Variants in TMEM179 observed in about 807,000 individuals in gnomAD.
TMEM179 encodes transmembrane protein 179A.
Under a neutral mutation model 22.2 loss-of-function variants are expected in TMEM179, and 17 were observed. The observed-to-expected ratio is 0.77, with a 90% CI of 0.52 to 1.15. The LOEUF is 1.15. Ranked by LOEUF, TMEM179 falls within the 50% of genes most tolerant of loss-of-function variation. TMEM179 has a pLI of 0.00. For missense variants in TMEM179, 265 were observed against 313.6 expected (o/e 0.84, Z 1.17); for synonymous variants, 127 against 140.5 (o/e 0.90, Z 0.68).
chr14:104,602,433 C>T (rs1887270941), intron 1 of TMEM179, among the ~76,000 whole-genome samples: 1 of 152,248 alleles, frequency 6.6e-6, no homozygotes, highest in Non-Finnish European at 1.5e-5. Context: ...ACTGTGGCCC[C>T]ACCTGGCCTG....
At chr14:104,596,895 G>A in intron 2 of TMEM179, 95 bp downstream of exon 2, 4 of 1,494,740 alleles carry the variant, frequency 2.7e-6, no homozygotes, top group South Asian at 2.5e-5. Flanking sequence ...GACTCAGGAT[G>A]GGCTTCGTGA....
chr14:104,594,618 C>A, intron 3 of TMEM179: 1 of 1,227,760 alleles, frequency 8.1e-7, no homozygotes, highest in Non-Finnish European at 1.0e-6. Context: ...TGGGGGCCAC[C>A]ATCGCCCTCC....
intron 3 of TMEM179, chr14:104,594,268 T>C: frequency 8.1e-7 from 1 of 1,231,776 alleles, no homozygotes; most frequent in Non-Finnish European, 1.0e-6. Flanking sequence ...CCAGTTCATC[T>C]CGGCAAAGAG....
intron 1 of TMEM179, among the ~76,000 whole-genome samples, chr14:104,599,239 T>G (rs1566745012): frequency 6.6e-6 from 1 of 151,388 alleles, no homozygotes. Flanking sequence ...TCCTTCTCCA[T>G]TCTCTGTCTG....
intron 1 of TMEM179, among the ~76,000 whole-genome samples, chr14:104,600,403 G>C (rs1046549224): frequency 6.6e-6 from 1 of 152,210 alleles, no homozygotes; most frequent in Admixed American, 6.5e-5. Flanking sequence ...GCGCCGGCAC[G>C]GGCAGGCAGA....
rs1036538361 is a variant in TMEM179 at position 104,590,902 on chromosome 14, G to A, written c.*2577C>T. 2.5e-5 allele frequency: 4 copies of A among 160,740 alleles called. No homozygotes were observed. Among genetic ancestry groups the A allele is most frequent in the Non-Finnish European group, 4.1e-5 (3 of 72,702 alleles). The allele number at this position is 160,740 out of a possible 1,614,324, so 10.0% of individuals were successfully genotyped here. On this transcript the variant is annotated 3_prime_UTR_variant, in exon 4 of 4. Transcript: ENST00000556573. ...CTTTACTTTCAGTTTAGCCAGAGTG[G>A]AATTAGAACAGGGATATCATTAACA...
intron 1 of TMEM179, among the ~76,000 whole-genome samples, chr14:104,599,903 C>T (rs1361711378): frequency 2.6e-5 from 4 of 152,198 alleles, no homozygotes; most frequent in Non-Finnish European, 5.9e-5. Context: ...GACCCACTGT[C>T]CCCTTCCCAC....
Position 104,597,469 on chromosome 14 carries a change from C to T in TMEM179, c.306-342G>A, listed in dbSNP as rs1887073234. On this transcript the variant is annotated intron_variant, in intron 1 of 3. Transcript: ENST00000556573. This position sits in a 1 kb window ranked among gnomAD's most constrained non-coding sequence, Gnocchi z 4.8. Reference sequence around the variant, plus strand: ...GAAGTGAATGACACCCTTCCAAAGCCGTCCAGCCACAGTCACCAGCAACTC... The same window carrying T: ...GAAGTGAATGACACCCTTCCAAAGCTGTCCAGCCACAGTCACCAGCAACTC... Among the ~76,000 whole-genome samples, 1 of 152,156 alleles carries T rather than the reference C, an allele frequency of 6.6e-6. No homozygotes were observed. Among genetic ancestry groups the T allele is most frequent in the Admixed American group, 6.5e-5 (1 of 15,276 alleles).
At position 104,592,507 on chromosome 14, in the gene TMEM179, C is replaced by T. The variant is rs758276669; in HGVS notation, c.*972G>A. 1.3e-5 allele frequency: 2 copies of T among 153,900 alleles called. No individual in the cohort carries two copies. The highest frequency in any genetic ancestry group is 2.9e-5 in the Non-Finnish European group (2 of 68,848). 9.5% of individuals were successfully genotyped at this position (153,900 alleles called of 1,614,324 possible). ...ACTCTCATGCACTCAGTCACACCCT[C>T]ACATGCACACTCATGCACACTCATA... On this transcript the variant is annotated 3_prime_UTR_variant, in exon 4 of 4. Transcript: ENST00000556573.
intron 1 of TMEM179, among the ~76,000 whole-genome samples, chr14:104,598,201 G>A (rs577203805): frequency 2.0e-5 from 3 of 152,172 alleles, no homozygotes; most frequent in Non-Finnish European, 2.9e-5. Context: ...GAATGCACAC[G>A]GAGGCTCCGG....
chr14:104,602,376 C>T (rs1042804647), intron 1 of TMEM179, among the ~76,000 whole-genome samples: 3 of 152,206 alleles, frequency 2.0e-5, no homozygotes, highest in Non-Finnish European at 4.4e-5. Context: ...ACCACAGGCA[C>T]CCTGAGGGAC....
Position 104,604,516 on chromosome 14 carries a change from G to A in TMEM179, c.226C>T (p.Leu76Phe). ...GPPAACRFSL[L>F]ASLLSLLLAA... is the part of the protein sequence containing the mutation. ...AGCAGCAGAGACAGGAGGCTGGCGA[G>A]CAGGCTGAAGCGGCAGGCGGCCGGC... Residue 76 changes from leucine (L) to phenylalanine (F), a missense_variant, in exon 1 of 4, where the codon CTC (leucine) becomes TTC (phenylalanine). Coordinates refer to ENST00000556573, the MANE Select transcript of TMEM179 (RefSeq NM_001286389.2). This position sits in a 1 kb window ranked among gnomAD's most constrained non-coding sequence, Gnocchi z 4.6. The A allele has an allele frequency of 6.4e-7, 1 of 1,563,664 alleles. No individual in the cohort carries two copies.
At chr14:104,594,406 C>A in intron 3 of TMEM179, 8 of 1,231,782 alleles carry the variant, frequency 6.5e-6, no homozygotes, top group South Asian at 4.1e-5. Flanking sequence ...CTGAAGCCAG[C>A]GGGCCCTGAT....
In TMEM179 at chr14:104,591,451, TGGAAG is replaced by T; in HGVS notation, c.*2023_*2027del. Reference sequence around the variant, plus strand: ...GTCCCCATGTCCAGTGGGTCAGGGCTGGAAGGGGAGACAGGGGACCCCATCAGCTT... The same window carrying T: ...GTCCCCATGTCCAGTGGGTCAGGGCTGGGAGACAGGGGACCCCATCAGCTT... On this transcript the variant is annotated 3_prime_UTR_variant, in exon 4 of 4. Coordinates refer to ENST00000556573, the MANE Select transcript of TMEM179 (RefSeq NM_001286389.2). 4 of 455,682 alleles carry T rather than the reference TGGAAG, an allele frequency of 8.8e-6. No individual in the cohort carries two copies. The highest frequency in any genetic ancestry group is 6.2e-5 in the South Asian group (4 of 64,524). The allele number at this position is 455,682 out of a possible 1,614,324, so 28.2% of individuals were successfully genotyped here. A position where few individuals can be genotyped will look rare whatever the true frequency, so the allele number is the denominator to read the frequency against.
intron 1 of TMEM179, among the ~76,000 whole-genome samples, chr14:104,599,216 T>C (rs954332730): frequency 4.6e-5 from 7 of 152,016 alleles, no homozygotes; most frequent in African/African-American, 7.2e-5. Context: ...CCGCCTGCTC[T>C]TCAGAGTGCG....
rs1886916113 is a variant in TMEM179 at position 104,593,676 on chromosome 14, T to G, written c.523-18A>C. The G allele has an allele frequency of 1.4e-6, 2 of 1,453,308 alleles. No individual in the cohort carries two copies. The highest frequency in any genetic ancestry group is 1.8e-6 in the Non-Finnish European group (2 of 1,105,606). The allele number at this position is 1,453,308 out of a possible 1,614,324, so 90.0% of individuals were successfully genotyped here. A position where few individuals can be genotyped will look rare whatever the true frequency, so the allele number is the denominator to read the frequency against. The stretch of plus-strand genomic sequence containing the variant: ...AGGCCAAACTGCACAGAGGGCAGGG[T>G]CAGGGTCAGAAGCCGTTGGGGGTCC... On this transcript the variant is annotated intron_variant, in intron 3 of 3. Coordinates refer to ENST00000556573, the MANE Select transcript of TMEM179 (RefSeq NM_001286389.2).
At position 104,593,194 on chromosome 14, in the gene TMEM179, G is replaced by A; in HGVS notation, c.*285C>T. 1 of 515,626 alleles carries A rather than the reference G, an allele frequency of 1.9e-6. No homozygotes were observed. Among genetic ancestry groups the A allele is most frequent in the Non-Finnish European group, 3.5e-6 (1 of 289,582 alleles). The allele number at this position is 515,626 out of a possible 1,614,324, so 31.9% of individuals were successfully genotyped here. A position where few individuals can be genotyped will look rare whatever the true frequency, so the allele number is the denominator to read the frequency against. ...TGGCCAGTCAGGTCCTACTGGGACA[G>A]CCAAGGGGCCCTGTGCGAGGCCTGG... On this transcript the variant is annotated 3_prime_UTR_variant, in exon 4 of 4. Transcript: ENST00000556573.
intron 2 of TMEM179, 98 bp downstream of exon 2, chr14:104,596,892 G>T: frequency 6.7e-7 from 1 of 1,487,710 alleles, no homozygotes; most frequent in Non-Finnish European, 9.1e-7. Flanking sequence ...GCAGACTCAG[G>T]ATGGGCTTCG....
intron 3 of TMEM179, chr14:104,594,413 T>G: frequency 8.1e-7 from 1 of 1,231,776 alleles, no homozygotes; most frequent in Non-Finnish European, 1.0e-6. Context: ...CAGCGGGCCC[T>G]GATCAGTGCT....
Sources: gnomAD v4.1 joint callset for allele counts (sites outside exome capture counted in the v4.1 genomes callset) on GRCh38, gnomAD v4.1.1 for gene constraint, Gnocchi (gnomAD v3.1) non-coding constraint, MANE v1.5 for transcripts, NCBI Gene and HGNC (gene_info 2026-07-23, HGNC 2026-07-21) for gene names.